The following PKIA variants were observed in gnomAD, a reference collection of about 807,000 sequenced individuals.
The protein encoded by PKIA is PKI-alpha.
PKIA carries 4 observed loss-of-function variants against 7.6 expected under a neutral mutation model. The observed-to-expected ratio is 0.52, with a 90% CI of 0.26 to 1.20. PKIA has a LOEUF of 1.20. Ranked by LOEUF, PKIA falls within the 50% of genes most tolerant of loss-of-function variation. The pLI, the probability that PKIA is intolerant of heterozygous loss-of-function variation, is 0.13. For missense variants in PKIA, 73 were observed against 86.2 expected (o/e 0.85, Z 0.61); for synonymous variants, 21 against 30.7 (o/e 0.68, Z 1.04).
intron 3 of PKIA, among the ~76,000 whole-genome samples, chr8:78,599,459 A>G (rs1808304584): frequency 6.6e-6 from 1 of 152,124 alleles, no homozygotes; most frequent in South Asian, 2.1e-4. Flanking sequence ...ATATGTATAT[A>G]TAGATTAATG....
intron 2 of PKIA, among the ~76,000 whole-genome samples, chr8:78,588,799 A>G (rs1239934537): frequency 3.3e-5 from 5 of 152,008 alleles, no homozygotes; most frequent in East Asian, 1.9e-4. Context: ...CTTTTCCTAT[A>G]TGGGAGTAAA....
At chr8:78,534,507 A>G (rs1224108485) in intron 1 of PKIA, 1 of 152,118 alleles carries the variant, frequency 6.6e-6, no homozygotes, top group African/African-American at 2.4e-5. Flanking sequence ...GATTGCTTCC[A>G]ACGCTAAAGG....
intron 1 of PKIA, among the ~76,000 whole-genome samples, chr8:78,522,411 G>C (rs1422375235): frequency 6.6e-6 from 1 of 151,812 alleles, no homozygotes; most frequent in Admixed American, 6.6e-5. Flanking sequence ...ATTATGCCCA[G>C]ATATTTATAG....
At chr8:78,536,748 T>C (rs1291735787) in intron 1 of PKIA, among the ~76,000 whole-genome samples, 1 of 152,062 alleles carries the variant, frequency 6.6e-6, no homozygotes, top group Admixed American at 6.6e-5. Context: ...TACCCAGAAA[T>C]ATTTGTGTAT....
At chr8:78,561,514 A>G (rs1303408230) in intron 1 of PKIA, among the ~76,000 whole-genome samples, 2 of 151,852 alleles carry the variant, frequency 1.3e-5, no homozygotes, top group Admixed American at 1.3e-4. Flanking sequence ...CTCTGTCACA[A>G]TCTTCTCCAC....
chr8:78,569,822 G>A (rs1032669182), intron 1 of PKIA, among the ~76,000 whole-genome samples: 2 of 152,044 alleles, frequency 1.3e-5, no homozygotes, highest in Non-Finnish European at 2.9e-5. Context: ...TAAAAACCAA[G>A]TGAAAATGAT....
intron 1 of PKIA, among the ~76,000 whole-genome samples, chr8:78,559,711 G>A (rs1296398541): frequency 1.3e-5 from 2 of 152,092 alleles, no homozygotes; most frequent in Non-Finnish European, 1.5e-5. Context: ...TTACATTCTG[G>A]CAAACCAGCA....
chr8:78,583,078 G>A (rs969638701), intron 2 of PKIA, among the ~76,000 whole-genome samples: 4 of 152,154 alleles, frequency 2.6e-5, no homozygotes, highest in African/African-American at 9.7e-5. Context: ...ATAGCAGCAA[G>A]ACATGAGAAG....
At chr8:78,600,848 C>A (rs2130293339) in intron 3 of PKIA, among the ~76,000 whole-genome samples, 1 of 152,082 alleles carries the variant, frequency 6.6e-6, no homozygotes, top group South Asian at 2.1e-4. Context: ...ACATTATGGT[C>A]CAAAGAATAG....
chr8:78,589,006 A>G (rs16905824), intron 2 of PKIA, among the ~76,000 whole-genome samples: 20,484 of 152,190 alleles, frequency 0.13, 1,629 homozygotes, highest in African/African-American at 0.21. Flanking sequence ...AAAGTGTTAA[A>G]GAAGTAGCTG....
At chr8:78,565,230 G>A (rs900294265) in intron 1 of PKIA, among the ~76,000 whole-genome samples, 2 of 151,586 alleles carry the variant, frequency 1.3e-5, no homozygotes, top group African/African-American at 4.8e-5. Flanking sequence ...ATTTTTCCTG[G>A]AATAGAGATT....
intron 3 of PKIA, among the ~76,000 whole-genome samples, chr8:78,600,728 A>C (rs1206087920): frequency 6.6e-6 from 1 of 152,088 alleles, no homozygotes; most frequent in Non-Finnish European, 1.5e-5. Flanking sequence ...AGAAGAAAAT[A>C]TTTTTATGTA....
intron 1 of PKIA, among the ~76,000 whole-genome samples, chr8:78,547,265 C>T (rs544533033): frequency 1.7e-4 from 26 of 152,016 alleles, no homozygotes; most frequent in Non-Finnish European, 2.9e-4. Flanking sequence ...CCACCACACC[C>T]GGCTAATTTT....
At chr8:78,563,379 T>A (rs973840625) in intron 1 of PKIA, among the ~76,000 whole-genome samples, 4 of 152,134 alleles carry the variant, frequency 2.6e-5, no homozygotes, top group Non-Finnish European at 2.9e-5. Context: ...ATTATTATTA[T>A]GAGAATTAAA....
intron 2 of PKIA, among the ~76,000 whole-genome samples, chr8:78,588,776 T>G (rs550139898): frequency 6.6e-6 from 1 of 151,850 alleles, no homozygotes; most frequent in Non-Finnish European, 1.5e-5. Context: ...GCAGGGAAAA[T>G]TAGTATCTAC....
At chr8:78,551,602 A>G (rs996849206) in intron 1 of PKIA, among the ~76,000 whole-genome samples, 1 of 152,090 alleles carries the variant, frequency 6.6e-6, no homozygotes, top group Non-Finnish European at 1.5e-5. Flanking sequence ...AAATAAAAAT[A>G]GAATCTATGC....
At chr8:78,520,367 T>G (rs1809393515) in intron 1 of PKIA, among the ~76,000 whole-genome samples, 3 of 152,222 alleles carry the variant, frequency 2.0e-5, no homozygotes, top group African/African-American at 7.2e-5. Context: ...AACCAATCTT[T>G]AATGAAGACA....
intron 2 of PKIA, among the ~76,000 whole-genome samples, chr8:78,574,388 A>G (rs1807626911): frequency 6.6e-6 from 1 of 151,992 alleles, no homozygotes; most frequent in Admixed American, 6.6e-5. Context: ...GTTAAGGGCA[A>G]TTTCAGAATC....
intron 1 of PKIA, among the ~76,000 whole-genome samples, chr8:78,542,502 G>C (rs1338814412): frequency 2.0e-5 from 3 of 152,126 alleles, no homozygotes; most frequent in Non-Finnish European, 4.4e-5. Context: ...TTAAGATATT[G>C]TAAACGTCAG....
Sources: gnomAD v4.1 joint callset for allele counts (sites outside exome capture counted in the v4.1 genomes callset) on GRCh38, gnomAD v4.1.1 for gene constraint, MANE v1.5 for transcripts, NCBI Gene and HGNC (gene_info 2026-07-23, HGNC 2026-07-21) for gene names.